ARL15: variants seen among roughly 807,000 people sequenced by gnomAD.
ARL15 encodes ADP-ribosylation factor-like protein 15.
A neutral mutation model predicts 25.2 loss-of-function variants in ARL15; 19 were observed. The ratio of observed to expected loss-of-function variants is 0.75; its 90% CI spans 0.53 to 1.10. The LOEUF is 1.10. Among genes scored for constraint, ARL15 ranks in the 50% least tolerant of loss-of-function variants. The probability of loss-of-function intolerance (pLI) is 0.00; values close to 1 mark genes in which losing one functional copy is unlikely to be tolerated. For synonymous variants in ARL15, 94 were observed against 86.8 expected, an observed-to-expected ratio of 1.08 and a Z score of -0.46; for missense variants, 220 against 246.0, an observed-to-expected ratio of 0.89 and a Z score of 0.71.
chr5:54,098,534 T>G (rs1050124973), intron 4 of ARL15, among the ~76,000 whole-genome samples: 2 of 151,998 alleles, frequency 1.3e-5, no homozygotes, highest in African/African-American at 4.8e-5. Flanking sequence ...TTCAAAAATC[T>G]GTCCATGTCA....
At chr5:54,170,622 CTCTT>C (rs2112397715) in intron 2 of ARL15, among the ~76,000 whole-genome samples, 1 of 152,078 alleles carries the variant, frequency 6.6e-6, no homozygotes, top group East Asian at 1.9e-4. Flanking sequence ...CTCCTAAGTC[CTCTT>C]TCTTTTCCAC....
rs146378549 is a variant in ARL15, at chr5:54,204,710, T to G, written c.49-32782A>C. On this transcript the variant is annotated intron_variant, in intron 1 of 4. Coordinates refer to ENST00000504924, the MANE Select transcript of ARL15 (RefSeq NM_019087.3). The stretch of plus-strand genomic sequence containing the variant: ...AATAAGATTTTAAAACGTAAAGGAG[T>G]TGATGCTTAAAAGCACACCGTAGGT... Among the ~76,000 whole-genome samples the G allele has an allele frequency of 2.6e-4, 39 of 152,234 alleles. No individual in the cohort carries two copies. In the East Asian group the frequency reaches 7.2e-3, roughly 28 times the overall value.
At chr5:54,185,833 C>G (rs1032385622) in intron 1 of ARL15, among the ~76,000 whole-genome samples, 1 of 152,180 alleles carries the variant, frequency 6.6e-6, no homozygotes, top group Non-Finnish European at 1.5e-5. Flanking sequence ...TATGACCACA[C>G]ATCAGGATTC....
intron 1 of ARL15, among the ~76,000 whole-genome samples, chr5:54,175,652 T>C (rs1289292314): frequency 1.0e-4 from 15 of 148,904 alleles, no homozygotes; most frequent in East Asian, 1.9e-4. Context: ...CTCTTTCTTT[T>C]TCTCTCTTTT....
intron 1 of ARL15, among the ~76,000 whole-genome samples, chr5:54,246,962 A>G (rs1757105438): frequency 6.6e-6 from 1 of 152,166 alleles, no homozygotes; most frequent in Non-Finnish European, 1.5e-5. Flanking sequence ...ATAATGATGA[A>G]AAGGTTGAGA....
chr5:54,038,226 TCCAAAC>T (rs1750231400), intron 4 of ARL15, among the ~76,000 whole-genome samples: 1 of 152,106 alleles, frequency 6.6e-6, no homozygotes, highest in Non-Finnish European at 1.5e-5. Context: ...TTATATTTTA[TCCAAAC>T]ATTATGCACT....
chr5:53,980,053 A>C (rs1748071142), intron 4 of ARL15, among the ~76,000 whole-genome samples: 2 of 152,164 alleles, frequency 1.3e-5, no homozygotes, highest in Non-Finnish European at 2.9e-5. Flanking sequence ...TTGAACATAC[A>C]GTTTATTTAT....
chr5:54,158,244 C>T (rs1169509204), intron 2 of ARL15, among the ~76,000 whole-genome samples: 1 of 152,108 alleles, frequency 6.6e-6, no homozygotes, highest in Non-Finnish European at 1.5e-5. Flanking sequence ...CTTCCTATTC[C>T]ATTTATTAAC....
At chr5:53,969,893 C>G (rs1252761503) in intron 4 of ARL15, among the ~76,000 whole-genome samples, 4 of 152,058 alleles carry the variant, frequency 2.6e-5, no homozygotes, top group Non-Finnish European at 5.9e-5. Context: ...AGCTGGGACA[C>G]TTAAAATACC....
intron 4 of ARL15, among the ~76,000 whole-genome samples, chr5:54,030,804 C>G (rs1749957010): frequency 6.6e-6 from 1 of 152,096 alleles, no homozygotes; most frequent in Non-Finnish European, 1.5e-5. Context: ...GGGCAAAGAG[C>G]ACTAAAATGG....
At chr5:54,193,468 C>G (rs899439591) in intron 1 of ARL15, among the ~76,000 whole-genome samples, 2 of 152,162 alleles carry the variant, frequency 1.3e-5, no homozygotes, top group African/African-American at 4.8e-5. Context: ...GGCTTGAGCT[C>G]TGCTTCCTAT....
At position 54,000,196 on chromosome 5, in the gene ARL15, C is replaced by A. The variant is rs34739386; in HGVS notation, c.462+113006G>T. Among the ~76,000 whole-genome samples the A allele has an allele frequency of 2.1e-3, 325 of 152,136 alleles. 1 individual carries two copies. The highest frequency in any genetic ancestry group is 4.5e-3 in the Admixed American group (68 of 15,262). ...AGGAGGCTCCAGCAAGGCTTTTAGG[C>A]CAAGGAAAAGAAATGAATCTGCTAC... is the stretch of plus-strand genomic sequence containing the variant. On this transcript the variant is annotated intron_variant, in intron 4 of 4. Transcript: ENST00000504924.
At chr5:54,245,995 C>T (rs908103064) in intron 1 of ARL15, among the ~76,000 whole-genome samples, 6 of 152,190 alleles carry the variant, frequency 3.9e-5, no homozygotes, top group African/African-American at 1.4e-4. Context: ...GTTATCAACA[C>T]TGCACCCTTT....
intron 3 of ARL15, among the ~76,000 whole-genome samples, chr5:54,114,605 A>C (rs903136590): frequency 6.6e-6 from 1 of 152,128 alleles, no homozygotes; most frequent in South Asian, 2.1e-4. Context: ...AACAAACTCT[A>C]GAGATGATTT....
chr5:54,168,449 C>T (rs1217866821), intron 2 of ARL15, among the ~76,000 whole-genome samples: 1 of 151,588 alleles, frequency 6.6e-6, no homozygotes, highest in African/African-American at 2.4e-5. Flanking sequence ...AAACTTGACT[C>T]ATATTTGATT....
intron 1 of ARL15, among the ~76,000 whole-genome samples, chr5:54,255,978 A>G (rs1042579601): frequency 2.0e-5 from 3 of 152,118 alleles, no homozygotes; most frequent in Admixed American, 6.6e-5. Context: ...GAAAGTTCAC[A>G]AAATGACAAC....
intron 3 of ARL15, among the ~76,000 whole-genome samples, chr5:54,113,907 T>A (rs1752815925): frequency 6.6e-6 from 1 of 152,156 alleles, no homozygotes; most frequent in Non-Finnish European, 1.5e-5. Flanking sequence ...TAATTTCACC[T>A]AGGGAGTTAT....
intron 4 of ARL15, among the ~76,000 whole-genome samples, chr5:54,108,737 T>C (rs368721914): frequency 2.6e-5 from 4 of 152,118 alleles, no homozygotes; most frequent in African/African-American, 9.6e-5. Context: ...TTTCAGTCTT[T>C]CAAAACTCTG....
intron 4 of ARL15, among the ~76,000 whole-genome samples, chr5:54,028,203 G>A (rs1749850212): frequency 6.6e-6 from 1 of 152,164 alleles, no homozygotes; most frequent in South Asian, 2.1e-4. Context: ...TTACAGGCAT[G>A]AGCCACTGCA....
Sources: gnomAD v4.1 joint callset for allele counts (sites outside exome capture counted in the v4.1 genomes callset) on GRCh38, gnomAD v4.1.1 for gene constraint, MANE v1.5 for transcripts, NCBI Gene and HGNC (gene_info 2026-07-23, HGNC 2026-07-21) for gene names.